Variants in CTNND2 observed in about 807,000 individuals in gnomAD.
CTNND2 encodes the protein catenin delta 2, also known as catenin delta-2.
In CTNND2, 22 loss-of-function variants were observed where a neutral mutation model predicts 144.4. The observed-to-expected ratio is 0.15, with a 90% confidence interval of 0.11 to 0.22. CTNND2 has a LOEUF of 0.22. CTNND2 is among the 10% of genes least tolerant of loss of function. The pLI, the probability that CTNND2 is intolerant of heterozygous loss-of-function variation, is 1.00. For synonymous variants in CTNND2, 751 were observed against 695.6 expected (o/e 1.08, Z -1.25); for missense variants, 1,353 against 1,618.8 (o/e 0.84, Z 2.82).
chr5:11,550,678 C>T (rs749826893), intron 3 of CTNND2, among the ~76,000 whole-genome samples: 2 of 152,154 alleles, frequency 1.3e-5, no homozygotes, highest in Non-Finnish European at 2.9e-5. Context: ...ACTAATTAGG[C>T]GACTTCTTCT....
intron 6 of CTNND2, among the ~76,000 whole-genome samples, chr5:11,390,075 G>C (rs942380845): frequency 2.2e-4 from 34 of 152,328 alleles, no homozygotes; most frequent in African/African-American, 7.7e-4. Flanking sequence ...TCAAACAAGG[G>C]ATGCTTGACC....
At chr5:11,814,444 A>G (rs1792518016) in intron 1 of CTNND2, among the ~76,000 whole-genome samples, 1 of 152,256 alleles carries the variant, frequency 6.6e-6, no homozygotes, top group African/African-American at 2.4e-5. Context: ...CTGCTGGTTT[A>G]AAGAGTTCTA....
chr5:11,519,913 C>T (rs111759924), intron 3 of CTNND2, among the ~76,000 whole-genome samples: 15,497 of 151,452 alleles, frequency 0.1, 945 homozygotes, highest in Admixed American at 0.16. Flanking sequence ...CTGACACGGG[C>T]GGATCACCTA....
chr5:11,525,100 G>A (rs1393236626), intron 3 of CTNND2, among the ~76,000 whole-genome samples: 3 of 152,176 alleles, frequency 2.0e-5, no homozygotes, highest in Non-Finnish European at 2.9e-5. Flanking sequence ...CCCAGTGGCA[G>A]CCAGCAACAC....
chr5:11,004,770 CAAAA>C (rs56261802), intron 18 of CTNND2, among the ~76,000 whole-genome samples: 3 of 88,836 alleles, frequency 3.4e-5, no homozygotes, highest in Admixed American at 1.3e-4. Flanking sequence ...CTCCTTCTCA[CAAAA>C]AAAAAAAAAA....
chr5:11,720,142 G>A (rs145786400), intron 2 of CTNND2, among the ~76,000 whole-genome samples: 126 of 152,194 alleles, frequency 8.3e-4, no homozygotes, highest in African/African-American at 2.9e-3. Context: ...AGAGACAGCA[G>A]CAACTGGCCG....
At position 11,038,283 on chromosome 5, in the gene CTNND2, C is replaced by T. The variant is rs546754843; in HGVS notation, c.2789-15304G>A. ...CAGCAGGAGGTGAGCAGCAGGTGAG[C>T]GAGAATTACAGCCTGAGCTTCGCCT... On this transcript the variant is annotated intron_variant, in intron 16 of 21. Transcript: ENST00000304623. Among the ~76,000 whole-genome samples the T allele has an allele frequency of 1.1e-4, 17 of 152,120 alleles. No homozygotes were observed. In the East Asian group the frequency reaches 2.7e-3, roughly 24 times the overall value.
chr5:11,684,133 G>A (rs1212620597), intron 2 of CTNND2, among the ~76,000 whole-genome samples: 4 of 149,352 alleles, frequency 2.7e-5, no homozygotes, highest in African/African-American at 7.4e-5. Context: ...ATGGAGTCTC[G>A]CTCTGTCATC....
At chr5:11,403,177 A>G (rs913067346) in intron 5 of CTNND2, among the ~76,000 whole-genome samples, 3 of 152,076 alleles carry the variant, frequency 2.0e-5, no homozygotes, top group African/African-American at 7.2e-5. Context: ...TGCATTAGAT[A>G]TATGTCCTGA....
chr5:11,495,706 C>T (rs868699183), intron 3 of CTNND2, among the ~76,000 whole-genome samples: 1 of 152,158 alleles, frequency 6.6e-6, no homozygotes, highest in African/African-American at 2.4e-5. Flanking sequence ...TTCTGCATTC[C>T]CACCACTCCC....
chr5:11,458,912 A>G (rs867652182), intron 3 of CTNND2, among the ~76,000 whole-genome samples: 19 of 150,272 alleles, frequency 1.3e-4, no homozygotes, highest in Admixed American at 3.3e-4. Flanking sequence ...GTAGGCACGC[A>G]CCACCACCAC....
At chr5:11,239,535 G>C (rs1443042736) in intron 9 of CTNND2, among the ~76,000 whole-genome samples, 2 of 152,144 alleles carry the variant, frequency 1.3e-5, no homozygotes, top group Non-Finnish European at 2.9e-5. Flanking sequence ...TCCCACCTGA[G>C]GCATTTAAAT....
chr5:11,790,236 G>T (rs1791061879), intron 1 of CTNND2, among the ~76,000 whole-genome samples: 1 of 152,080 alleles, frequency 6.6e-6, no homozygotes, highest in African/African-American at 2.4e-5. Context: ...TAATCAATTT[G>T]AATTGCATCA....
chr5:11,160,495 T>A (rs1183256470), intron 11 of CTNND2, among the ~76,000 whole-genome samples: 1 of 152,254 alleles, frequency 6.6e-6, no homozygotes, highest in African/African-American at 2.4e-5. Flanking sequence ...AAATATTTTT[T>A]AAAAGGAGAT....
intron 10 of CTNND2, among the ~76,000 whole-genome samples, chr5:11,226,894 T>A (rs755634414): frequency 2.6e-5 from 4 of 152,240 alleles, no homozygotes; most frequent in African/African-American, 9.6e-5. Context: ...TCAGTGATTA[T>A]CTGTTGAATA....
At chr5:11,365,255 A>T (rs1274668070) in intron 7 of CTNND2, among the ~76,000 whole-genome samples, 2 of 152,226 alleles carry the variant, frequency 1.3e-5, no homozygotes, top group Non-Finnish European at 2.9e-5. Flanking sequence ...TAGCCCTTGC[A>T]CCTTAAATTG....
chr5:11,779,126 C>T (rs1343851304), intron 1 of CTNND2, among the ~76,000 whole-genome samples: 1 of 152,094 alleles, frequency 6.6e-6, no homozygotes, highest in Non-Finnish European at 1.5e-5. Context: ...ATGGTGTATC[C>T]GCCATATGTT....
At chr5:11,561,603 A>G (rs1776688351) in intron 3 of CTNND2, among the ~76,000 whole-genome samples, 1 of 152,264 alleles carries the variant, frequency 6.6e-6, no homozygotes, top group Non-Finnish European at 1.5e-5. Flanking sequence ...GATCTGCTGC[A>G]ACAATAAAGA....
chr5:11,826,278 C>T (rs1793593471), intron 1 of CTNND2, among the ~76,000 whole-genome samples: 1 of 151,928 alleles, frequency 6.6e-6, no homozygotes, highest in South Asian at 2.1e-4. Context: ...ATATAATTTG[C>T]AGTAGACATA....
Sources: gnomAD v4.1 joint callset for allele counts (sites outside exome capture counted in the v4.1 genomes callset) on GRCh38, gnomAD v4.1.1 for gene constraint, MANE v1.5 for transcripts, NCBI Gene and HGNC (gene_info 2026-07-23, HGNC 2026-07-21) for gene names.